Variants in NIN observed in about 807,000 individuals in gnomAD.
The protein encoded by NIN is ninein, also known as glycogen synthase kinase 3 beta-interacting protein.
Under a neutral mutation model 257.6 loss-of-function variants are expected in NIN, and 137 were observed. The ratio of observed to expected loss-of-function variants is 0.53; its 90% CI spans 0.46 to 0.61. NIN has a LOEUF of 0.61. Among genes scored for constraint, NIN ranks in the 20% least tolerant of loss-of-function variants. The pLI, the probability that NIN is intolerant of heterozygous loss-of-function variation, is 0.00. For missense variants in NIN, 2,439 were observed against 2,501.2 expected, an observed-to-expected ratio of 0.98 and a Z score of 0.53; for synonymous variants, 918 against 919.8, an observed-to-expected ratio of 1.00 and a Z score of 0.04.
At chr14:50,728,767 ACT>A (rs2040539774) in intron 29 of NIN, among the ~76,000 whole-genome samples, 1 of 152,202 alleles carries the variant, frequency 6.6e-6, no homozygotes, top group Non-Finnish European at 1.5e-5. Flanking sequence ...AAGAGAAATA[ACT>A]CTGAATACTT....
intron 24 of NIN, 91 bp downstream of exon 24, chr14:50,743,325 T>G (rs1211304276): frequency 9.5e-6 from 8 of 845,030 alleles, no homozygotes; most frequent in African/African-American, 1.7e-5. Context: ...CTTACGCTAC[T>G]TCTACCTGGA....
In NIN at chr14:50,720,692, TCC is replaced by T; in HGVS notation, c.*2769_*2770del. On this transcript the variant is annotated 3_prime_UTR_variant, in exon 31 of 31. Transcript: ENST00000530997. ...AAATAAAACACTGTGGTTCTACTTCTCCCCTTCTACTCTCCCTTCACAAATCT... is the reference window on the plus strand; with the variant it reads ...AAATAAAACACTGTGGTTCTACTTCTCCTTCTACTCTCCCTTCACAAATCT... The T allele has an allele frequency of 4.8e-6, 1 of 207,496 alleles. No homozygotes were observed. The highest frequency in any genetic ancestry group is 7.4e-5 in the East Asian group (1 of 13,576). 12.9% of individuals were successfully genotyped at this position (207,496 alleles called of 1,614,324 possible). A position where few individuals can be genotyped will look rare whatever the true frequency, so the allele number is the denominator to read the frequency against.
At position 50,744,226 on chromosome 14, in the gene NIN, C is replaced by A; in HGVS notation, c.5187+17G>T. On this transcript the variant is annotated intron_variant, in intron 23 of 30. Transcript: ENST00000530997. Reference sequence around the variant, plus strand: ...GTATTGTATACGATGATGGTAAAGTCTTATTACTTCTACTACCTTATCGAC... The same window carrying A: ...GTATTGTATACGATGATGGTAAAGTATTATTACTTCTACTACCTTATCGAC... The A allele has an allele frequency of 6.2e-7, 1 of 1,612,348 alleles. No individual in the cohort carries two copies. Among genetic ancestry groups the A allele is most frequent in the South Asian group, 1.1e-5 (1 of 90,920 alleles).
chr14:50,788,488 G>C (rs893902079), intron 5 of NIN, among the ~76,000 whole-genome samples: 1 of 152,204 alleles, frequency 6.6e-6, no homozygotes, highest in Admixed American at 6.5e-5. Context: ...ATGATTCTCA[G>C]TAATCACTGA....
At chr14:50,729,433 G>T in intron 29 of NIN, 90 bp downstream of exon 29, 1 of 1,279,616 alleles carries the variant, frequency 7.8e-7, no homozygotes, top group Non-Finnish European at 1.1e-6. Flanking sequence ...TTAGATTTAG[G>T]TTCTTTCTCT....
chr14:50,819,229 T>C (rs533108789), intron 3 of NIN, among the ~76,000 whole-genome samples: 18 of 152,196 alleles, frequency 1.2e-4, no homozygotes, highest in Non-Finnish European at 2.2e-4. Context: ...AAAAGCCAAC[T>C]TAATGGAAAA....
intron 2 of NIN, among the ~76,000 whole-genome samples, chr14:50,824,418 C>A (rs977388181): frequency 6.6e-6 from 1 of 152,170 alleles, no homozygotes; most frequent in South Asian, 2.1e-4. Flanking sequence ...CTGTGCTTGA[C>A]TGAAGGGGAG....
intron 3 of NIN, among the ~76,000 whole-genome samples, chr14:50,814,230 C>G (rs979406222): frequency 3.9e-5 from 6 of 152,186 alleles, no homozygotes; most frequent in Non-Finnish European, 8.8e-5. Context: ...CCAAGGAATC[C>G]TGTTTACAGA....
At position 50,813,979 on chromosome 14, in the gene NIN, T is replaced by C. The variant is rs923426411; in HGVS notation, c.184-7161A>G. ...CAGCATTATGCAAAGAGAAATGACA[T>C]AGACTAAAAAAGAGGCAGTTTCATA... On this transcript the variant is annotated intron_variant, in intron 3 of 30. Coordinates refer to ENST00000530997, the MANE Select transcript of NIN (RefSeq NM_020921.4). Among the ~76,000 whole-genome samples, 5 of 152,262 alleles carry C rather than the reference T, an allele frequency of 3.3e-5. No homozygotes were observed. In the East Asian group the frequency reaches 5.8e-4, roughly 18 times the overall value.
chr14:50,767,710 G>C (rs891292031), intron 12 of NIN, among the ~76,000 whole-genome samples: 3 of 151,880 alleles, frequency 2.0e-5, no homozygotes, highest in Admixed American at 1.3e-4. Flanking sequence ...CCAGCTACTT[G>C]GGAGGCTGAG....
At chr14:50,749,318 G>C (rs1275961555) in intron 21 of NIN, among the ~76,000 whole-genome samples, 3 of 152,148 alleles carry the variant, frequency 2.0e-5, no homozygotes, top group African/African-American at 4.8e-5. Flanking sequence ...ACTCAAGATG[G>C]ATTAAAGACT....
At chr14:50,736,165 C>T (rs2040966489) in intron 27 of NIN, among the ~76,000 whole-genome samples, 2 of 149,934 alleles carry the variant, frequency 1.3e-5, no homozygotes. Context: ...CAGAGTCTCA[C>T]TCTGTCACCC....
At chr14:50,818,918 T>C (rs2045066208) in intron 3 of NIN, among the ~76,000 whole-genome samples, 3 of 151,694 alleles carry the variant, frequency 2.0e-5, no homozygotes, top group Admixed American at 2.0e-4. Context: ...AAACAAGTTA[T>C]TGAAGATGCG....
chr14:50,746,036 A>T (rs2041521034), intron 22 of NIN, among the ~76,000 whole-genome samples: 1 of 78,186 alleles, frequency 1.3e-5, no homozygotes, highest in Non-Finnish European at 2.9e-5. Flanking sequence ...TGCTTGTTTA[A>T]AAAAAAAAAA....
At chr14:50,746,645 ATC>A (rs1307511385) in intron 22 of NIN, among the ~76,000 whole-genome samples, 5 of 152,228 alleles carry the variant, frequency 3.3e-5, no homozygotes, top group Non-Finnish European at 5.9e-5. Flanking sequence ...TGCCATCACA[ATC>A]TGATGCTGAA....
chr14:50,770,433 T>C lies in NIN; in HGVS notation c.1389A>G (p.Lys463=). 1 of 1,614,192 alleles carries C rather than the reference T, an allele frequency of 6.2e-7. No individual in the cohort carries two copies. Among genetic ancestry groups the C allele is most frequent in the Non-Finnish European group, 8.5e-7 (1 of 1,180,028 alleles). The stretch of plus-strand genomic sequence containing the variant: ...GGTCCCGGATATAGTTCTCTTCTGT[T>C]TTTGCCTTTTCAATTTCCTGTTCAA... ...LELEQEIEKA[K]TEENYIRDRL... The change falls in exon 12 of 31, where the codon AAA becomes AAG. Residue 463 remains lysine, a synonymous_variant. Coordinates refer to ENST00000530997, the MANE Select transcript of NIN (RefSeq NM_020921.4).
At chr14:50,827,168 T>C (rs1347207004) in intron 2 of NIN, among the ~76,000 whole-genome samples, 3 of 152,258 alleles carry the variant, frequency 2.0e-5, no homozygotes, top group Admixed American at 1.3e-4. Context: ...CATATTGGAC[T>C]ACTTTCAGTA....
Position 50,777,028 on chromosome 14 carries a change from A to G in NIN, c.587T>C (p.Ile196Thr), listed in dbSNP as rs866314887. Residue 196 changes from isoleucine to threonine, a missense_variant, in exon 7 of 31, where the codon ATC (isoleucine) becomes ACC (threonine). By Grantham distance (89) the Ile-to-Thr change is moderately conservative (BLOSUM62 -1). Transcript: ENST00000530997. The part of the protein sequence containing the change: ...KLQEVCEDLG[I>T]TRDGHLNRKK... ...CCGGTTCAGGTGACCATCACGGGTG[A>G]TCCCCAAATCTTCACAAACTTCTTG... The G allele has an allele frequency of 6.2e-7, 1 of 1,614,226 alleles. No individual in the cohort carries two copies. The highest frequency in any genetic ancestry group is 1.3e-5 in the African/African-American group (1 of 75,060).
chr14:50,817,505 T>G (rs549033724), intron 3 of NIN, among the ~76,000 whole-genome samples: 1 of 152,306 alleles, frequency 6.6e-6, no homozygotes, highest in Middle Eastern at 3.4e-3. Context: ...CTATCAAATT[T>G]TAATACTAAA....
Sources: gnomAD v4.1 joint callset for allele counts (sites outside exome capture counted in the v4.1 genomes callset) on GRCh38, gnomAD v4.1.1 for gene constraint, MANE v1.5 for transcripts, NCBI Gene and HGNC (gene_info 2026-07-23, HGNC 2026-07-21) for gene names.